The following SKAP2 variants were observed in gnomAD, a reference collection of about 807,000 sequenced individuals.
SKAP2 encodes src kinase associated phosphoprotein 2, also known as src kinase-associated phosphoprotein 2.
Under a neutral mutation model 54.9 loss-of-function variants are expected in SKAP2, and 28 were observed. That is an observed-to-expected ratio of 0.51 (90% CI 0.38 to 0.70). The LOEUF (loss-of-function observed/expected upper bound fraction) is 0.70. Among genes scored for constraint, SKAP2 ranks in the 30% least tolerant of loss-of-function variants. The pLI is 0.00. For synonymous variants in SKAP2, 137 were observed against 134.3 expected, an observed-to-expected ratio of 1.02 and a Z score of -0.14; for missense variants, 356 against 424.1, an observed-to-expected ratio of 0.84 and a Z score of 1.41.
At chr7:26,783,904 G>T (rs1431563701) in intron 4 of SKAP2, among the ~76,000 whole-genome samples, 1 of 150,686 alleles carries the variant, frequency 6.6e-6, no homozygotes, top group Non-Finnish European at 1.5e-5. Context: ...TAACTAACCT[G>T]CACATTATGC....
At chr7:26,672,649 GA>G (rs1263836327) in intron 11 of SKAP2, among the ~76,000 whole-genome samples, 1 of 151,966 alleles carries the variant, frequency 6.6e-6, no homozygotes, top group Non-Finnish European at 1.5e-5. Flanking sequence ...ATTCCTGTTT[GA>G]AATTAATGCA....
intron 4 of SKAP2, among the ~76,000 whole-genome samples, chr7:26,805,203 T>G (rs773530879): frequency 1.2e-4 from 19 of 152,090 alleles, no homozygotes; most frequent in Non-Finnish European, 2.2e-4. Context: ...AAATAAAAAA[T>G]TTTTAATCAG....
At chr7:26,755,582 G>GT (rs1219280530) in intron 4 of SKAP2, among the ~76,000 whole-genome samples, 6 of 152,138 alleles carry the variant, frequency 3.9e-5, no homozygotes, top group Admixed American at 2.0e-4. Flanking sequence ...GATTTGTAGT[G>GT]TTTCCTGAGC....
intron 4 of SKAP2, among the ~76,000 whole-genome samples, chr7:26,833,099 G>C (rs1365924900): frequency 6.6e-6 from 1 of 151,912 alleles, no homozygotes; most frequent in Non-Finnish European, 1.5e-5. Flanking sequence ...TACCACCCCA[G>C]CACCAAAAAA....
chr7:26,746,386 T>C (rs1782560878), intron 4 of SKAP2, among the ~76,000 whole-genome samples: 1 of 152,146 alleles, frequency 6.6e-6, no homozygotes, highest in African/African-American at 2.4e-5. Context: ...TTCTAATAGG[T>C]TTTAAGTATA....
At chr7:26,788,794 A>G (rs1043828949) in intron 4 of SKAP2, among the ~76,000 whole-genome samples, 1 of 151,950 alleles carries the variant, frequency 6.6e-6, no homozygotes, top group African/African-American at 2.4e-5. Context: ...GCTTAATACC[A>G]TATACATGTA....
intron 4 of SKAP2, among the ~76,000 whole-genome samples, chr7:26,822,114 C>T (rs980497058): frequency 6.6e-6 from 1 of 152,116 alleles, no homozygotes; most frequent in African/African-American, 2.4e-5. Flanking sequence ...ACTGATGAGC[C>T]AAAGTAGTAA....
chr7:26,857,349 G>C, intron 1 of SKAP2: 1 of 228,440 alleles, frequency 4.4e-6, no homozygotes, highest in Non-Finnish European at 6.5e-6. Context: ...TAAACTGGAA[G>C]CAGTTCCCGA....
At chr7:26,799,633 T>G (rs1783867165) in intron 4 of SKAP2, among the ~76,000 whole-genome samples, 1 of 152,152 alleles carries the variant, frequency 6.6e-6, no homozygotes, top group Non-Finnish European at 1.5e-5. Context: ...ATACCCCACT[T>G]TCAGCATCAC....
chr7:26,727,558 GA>G (rs201304660), intron 6 of SKAP2, among the ~76,000 whole-genome samples: 1 of 149,160 alleles, frequency 6.7e-6, no homozygotes, highest in African/African-American at 2.5e-5. Flanking sequence ...AGATGTGAAG[GA>G]AAAAAAAACT....
intron 1 of SKAP2, among the ~76,000 whole-genome samples, chr7:26,861,823 T>C (rs979026325): frequency 1.3e-5 from 2 of 151,926 alleles, no homozygotes; most frequent in Non-Finnish European, 2.9e-5. Flanking sequence ...ATATGACATA[T>C]AATGATTTAG....
At chr7:26,759,702 T>C (rs1782881560) in intron 4 of SKAP2, among the ~76,000 whole-genome samples, 1 of 152,182 alleles carries the variant, frequency 6.6e-6, no homozygotes, top group Admixed American at 6.5e-5. Flanking sequence ...CTCACCCTCC[T>C]TGGGAAATAG....
rs911173959 is a variant in SKAP2 at position 26,747,112 on chromosome 7, G to A, written c.308-7148C>T. On this transcript the variant is annotated intron_variant, in intron 4 of 12. Coordinates refer to ENST00000345317, the MANE Select transcript of SKAP2 (RefSeq NM_003930.5). ...GGCACCTCAAACAATAATCACTGCCGTAACTCTAAAAGAGGACTAATTGTG... is the reference window on the plus strand; with the variant it reads ...GGCACCTCAAACAATAATCACTGCCATAACTCTAAAAGAGGACTAATTGTG... Among the ~76,000 whole-genome samples, 4 of 152,062 alleles carry A rather than the reference G, an allele frequency of 2.6e-5. No individual in the cohort carries two copies. The South Asian group carries it at 8.3e-4, about 32-fold the overall frequency.
At chr7:26,799,801 T>C (rs1584396553) in intron 4 of SKAP2, among the ~76,000 whole-genome samples, 2 of 152,228 alleles carry the variant, frequency 1.3e-5, no homozygotes, top group East Asian at 3.9e-4. Flanking sequence ...GAATAGACCA[T>C]ATGTCAGGTC....
intron 4 of SKAP2, among the ~76,000 whole-genome samples, chr7:26,795,025 A>G (rs879879874): frequency 6.6e-6 from 1 of 152,254 alleles, no homozygotes; most frequent in Non-Finnish European, 1.5e-5. Flanking sequence ...CACAACACAG[A>G]CAAAACAATG....
intron 9 of SKAP2, among the ~76,000 whole-genome samples, chr7:26,711,813 A>G (rs951162568): frequency 2.0e-5 from 3 of 152,214 alleles, no homozygotes; most frequent in Non-Finnish European, 4.4e-5. Flanking sequence ...AGAATAGGCT[A>G]TATCAGGCTG....
chr7:26,831,404 A>C (rs963328693), intron 4 of SKAP2, among the ~76,000 whole-genome samples: 1 of 152,194 alleles, frequency 6.6e-6, no homozygotes, highest in African/African-American at 2.4e-5. Flanking sequence ...GGAATCCCTA[A>C]AACTTCCAAC....
chr7:26,729,659 T>C (rs187162337), intron 6 of SKAP2, among the ~76,000 whole-genome samples: 400 of 152,024 alleles, frequency 2.6e-3, no homozygotes, highest in Non-Finnish European at 3.6e-3. Flanking sequence ...GAAAATCAGA[T>C]CAGATATACC....
chr7:26,828,362 T>A (rs745880819), intron 4 of SKAP2, among the ~76,000 whole-genome samples: 23 of 152,130 alleles, frequency 1.5e-4, no homozygotes, highest in Non-Finnish European at 2.6e-4. Flanking sequence ...GGCTAGAGAA[T>A]TCAAGAGTTC....
Sources: allele counts gnomAD v4.1 joint callset (sites outside exome capture counted in the v4.1 genomes callset), GRCh38; gene constraint gnomAD v4.1.1; transcripts MANE v1.5; gene names NCBI Gene and HGNC (gene_info 2026-07-23, HGNC 2026-07-21).